SENP7: variants seen among roughly 807,000 people sequenced by gnomAD.
The protein encoded by SENP7 is SUMO specific peptidase 7, also known as sentrin-specific protease 7.
SENP7 carries 64 observed loss-of-function variants against 141.2 expected under a neutral mutation model. The observed-to-expected ratio is 0.45, with a 90% CI of 0.37 to 0.56. The LOEUF (loss-of-function observed/expected upper bound fraction) is 0.56. Ranked by LOEUF, SENP7 falls within the 20% of genes least tolerant of loss-of-function variation. The pLI is 0.00. For missense variants in SENP7, 1,025 were observed against 1,212.2 expected (o/e 0.85, Z 2.29); for synonymous variants, 382 against 426.4 (o/e 0.90, Z 1.28).
intron 4 of SENP7, among the ~76,000 whole-genome samples, chr3:101,433,211 AT>A (rs1233643010): frequency 6.6e-6 from 1 of 152,122 alleles, no homozygotes; most frequent in Non-Finnish European, 1.5e-5. Flanking sequence ...GGGTAATAAG[AT>A]AGTATTTTCA....
intron 5 of SENP7, among the ~76,000 whole-genome samples, chr3:101,406,901 C>G (rs571524752): frequency 1.1e-4 from 17 of 152,280 alleles, no homozygotes; most frequent in Admixed American, 3.9e-4. Context: ...CTAGAAGGGA[C>G]TGGAGCCCTA....
chr3:101,458,649 C>A, intron 4 of SENP7: 1 of 174,484 alleles, frequency 5.7e-6, no homozygotes, highest in Non-Finnish European at 1.2e-5. Flanking sequence ...GAAGAAGCAG[C>A]AGAAATGGAA....
intron 3 of SENP7, among the ~76,000 whole-genome samples, chr3:101,491,809 A>C (rs989450137): frequency 3.3e-5 from 5 of 152,182 alleles, no homozygotes; most frequent in Non-Finnish European, 2.9e-5. Context: ...GGTTAATAGG[A>C]GGTCGGGCAC....
At chr3:101,495,640 A>G (rs1454263147) in intron 2 of SENP7, among the ~76,000 whole-genome samples, 1 of 152,234 alleles carries the variant, frequency 6.6e-6, no homozygotes, top group African/African-American at 2.4e-5. Flanking sequence ...TCAGCAAACT[A>G]ATGCAGAAAC....
At chr3:101,331,297 T>C (rs1576801373) in intron 19 of SENP7, among the ~76,000 whole-genome samples, 1 of 151,664 alleles carries the variant, frequency 6.6e-6, no homozygotes, top group Non-Finnish European at 1.5e-5. Context: ...CTGGGCAACA[T>C]AGTGAGATCC....
At chr3:101,509,202 C>T (rs2065750420) in intron 1 of SENP7, among the ~76,000 whole-genome samples, 1 of 152,072 alleles carries the variant, frequency 6.6e-6, no homozygotes, top group South Asian at 2.1e-4. Flanking sequence ...CTAAAAAAAA[C>T]AAGCCTTTCT....
chr3:101,375,596 C>A (rs2060305110), intron 6 of SENP7, among the ~76,000 whole-genome samples: 2 of 145,322 alleles, frequency 1.4e-5, no homozygotes, highest in African/African-American at 2.6e-5. Flanking sequence ...CACAAAGTTA[C>A]CAAGCAATCC....
At chr3:101,460,726 T>A (rs7612592) in intron 3 of SENP7, among the ~76,000 whole-genome samples, 60,309 of 151,920 alleles carry the variant, frequency 0.4, 12,472 homozygotes, top group Admixed American at 0.54. Flanking sequence ...GAAACTTTTA[T>A]TCATTACTGG....
chr3:101,357,078 G>T (rs1201294486), intron 11 of SENP7, among the ~76,000 whole-genome samples: 2 of 151,846 alleles, frequency 1.3e-5, no homozygotes, highest in Non-Finnish European at 1.5e-5. Flanking sequence ...TCGGCTCACT[G>T]CAACCTCCGC....
rs754417205 is a variant in SENP7, at chr3:101,366,523, C to A, written c.1225G>T (p.Val409Phe). The A allele has an allele frequency of 1.9e-6, 3 of 1,613,820 alleles. No individual in the cohort carries two copies. The Admixed American group carries it at 5.0e-5, about 27-fold the overall frequency. The stretch of plus-strand genomic sequence containing the variant: ...TTCAACTCATTCTCATCCTTCTCAA[C>A]CAGGGAAGAAATCCCCACAATATCA... ...SIDIVGISSL[V>F]EKDENELNTI... is the part of the protein sequence containing the mutation. The change falls in exon 9 of 24, where the codon GTT (valine) becomes TTT (phenylalanine). Residue 409 changes from valine (V) to phenylalanine (F), a missense_variant. This residue lies in a region of SENP7 where 496 missense variants were observed against 503.5 expected (regional missense o/e 0.99). Coordinates refer to ENST00000394095, the MANE Select transcript of SENP7 (RefSeq NM_020654.5).
chr3:101,442,908 T>G (rs2062736554), intron 4 of SENP7, among the ~76,000 whole-genome samples: 3 of 151,976 alleles, frequency 2.0e-5, no homozygotes, highest in Admixed American at 2.0e-4. Context: ...GAACAAATAT[T>G]GAGATTTCAG....
Position 101,341,658 on chromosome 3 carries a change from C to T in SENP7, c.2228G>A (p.Gly743Glu), listed in dbSNP as rs1232285052. 1 of 1,604,528 alleles carries T rather than the reference C, an allele frequency of 6.2e-7. No homozygotes were observed. Among genetic ancestry groups the T allele is most frequent in the Non-Finnish European group, 8.5e-7 (1 of 1,173,230 alleles). ...DEEWREVRHT[G>E]LVQKLIVYPP... Reference sequence around the variant, plus strand: ...TGACAGTACATACTTCTGAACAAGTCCAGTGTGCCTGACTTCTCGCCATTC... The same window carrying T: ...TGACAGTACATACTTCTGAACAAGTTCAGTGTGCCTGACTTCTCGCCATTC... Residue 743 changes from glycine (G) to glutamate (E), a missense_variant, in exon 15 of 24, where the codon GGA becomes GAA. Gly to Glu is a moderately conservative substitution (Grantham distance 98). Transcript: ENST00000394095.
chr3:101,452,674 GA>G (rs2063187746), intron 4 of SENP7, among the ~76,000 whole-genome samples: 1 of 152,184 alleles, frequency 6.6e-6, no homozygotes, highest in Non-Finnish European at 1.5e-5. Context: ...GTAGAAAGCT[GA>G]AACTGGATCC....
rs375780019 is a variant in SENP7, at chr3:101,372,317, A to C, written c.678-191T>G. 2.6e-5 allele frequency among the ~76,000 whole-genome samples: 4 copies of C among 152,226 alleles called. No homozygotes were observed. In the East Asian group the frequency reaches 5.8e-4, roughly 22 times the overall value. On this transcript the variant is annotated intron_variant, in intron 6 of 23. Coordinates refer to ENST00000394095, the MANE Select transcript of SENP7 (RefSeq NM_020654.5). ...GTTATCCTCCCTTTTCTACCTTTAAATTCCCCATGTGTGTTTAGGGGGAAA... is the reference window on the plus strand; with the variant it reads ...GTTATCCTCCCTTTTCTACCTTTAACTTCCCCATGTGTGTTTAGGGGGAAA...
intron 4 of SENP7, among the ~76,000 whole-genome samples, chr3:101,454,140 G>C (rs1167378588): frequency 1.3e-5 from 2 of 152,182 alleles, no homozygotes. Flanking sequence ...TTCAGCAGTT[G>C]CTCAGAAAGT....
intron 5 of SENP7, among the ~76,000 whole-genome samples, chr3:101,399,563 T>A (rs1461138136): frequency 1.3e-5 from 2 of 152,234 alleles, no homozygotes; most frequent in Non-Finnish European, 2.9e-5. Context: ...ACAGCACATA[T>A]AATGGTGATA....
chr3:101,371,115 C>T (rs539588887), intron 7 of SENP7, among the ~76,000 whole-genome samples: 2 of 152,178 alleles, frequency 1.3e-5, no homozygotes, highest in South Asian at 4.1e-4. Flanking sequence ...CACGGCAAGA[C>T]CTTGTCTCTG....
chr3:101,463,486 T>A (rs2063660124), intron 3 of SENP7, among the ~76,000 whole-genome samples: 1 of 147,884 alleles, frequency 6.8e-6, no homozygotes, highest in Admixed American at 6.8e-5. Flanking sequence ...TAAAATGGAA[T>A]AAGAATAATC....
intron 4 of SENP7, among the ~76,000 whole-genome samples, chr3:101,453,242 A>T (rs1034809205): frequency 1.3e-5 from 2 of 152,218 alleles, no homozygotes; most frequent in African/African-American, 4.8e-5. Context: ...ATGTGGAGAA[A>T]CTGGAATACT....
Sources: gnomAD v4.1 joint callset for allele counts (sites outside exome capture counted in the v4.1 genomes callset) on GRCh38, gnomAD v4.1.1 for gene constraint, gnomAD v4.1.1 regional missense constraint, MANE v1.5 for transcripts, NCBI Gene and HGNC (gene_info 2026-07-23, HGNC 2026-07-21) for gene names.